The following LRRTM4 variants were observed in gnomAD, a reference collection of about 807,000 sequenced individuals.
LRRTM4 encodes leucine rich repeat transmembrane neuronal 4.
A neutral mutation model predicts 47.6 loss-of-function variants in LRRTM4; 25 were observed. That is an observed-to-expected ratio of 0.53 (90% CI 0.38 to 0.73). The LOEUF is 0.73. Ranked by LOEUF, LRRTM4 falls within the 30% of genes least tolerant of loss-of-function variation. The pLI is 0.00. For synonymous variants in LRRTM4, 311 were observed against 269.5 expected (o/e 1.15, Z -1.51); for missense variants, 638 against 713.4 (o/e 0.89, Z 1.20).
At chr2:77,036,009 A>C (rs528510454) in intron 3 of LRRTM4, among the ~76,000 whole-genome samples, 4 of 145,874 alleles carry the variant, frequency 2.7e-5, no homozygotes, top group South Asian at 2.1e-4. Context: ...TTGGATCTTT[A>C]ATTAATTAAG....
At chr2:77,225,423 A>AG (rs1674777834) in intron 3 of LRRTM4, among the ~76,000 whole-genome samples, 1 of 137,898 alleles carries the variant, frequency 7.3e-6, no homozygotes. Flanking sequence ...CAAAATTGTG[A>AG]GAAAAAAAAA....
intron 3 of LRRTM4, among the ~76,000 whole-genome samples, chr2:77,407,448 G>A (rs916796907): frequency 4.0e-5 from 6 of 150,900 alleles, no homozygotes; most frequent in African/African-American, 1.5e-4. Context: ...CTAGTTTTGA[G>A]CGCAGGTTTT....
In LRRTM4 at chr2:76,904,435, T is replaced by C. The variant is rs185837956; in HGVS notation, c.1552-155519A>G. ...CTTAGGCATGTCCTATATACTGACTTTACGCTTTACAATTCCATATATTAT... is the reference window on the plus strand; with the variant it reads ...CTTAGGCATGTCCTATATACTGACTCTACGCTTTACAATTCCATATATTAT... On this transcript the variant is annotated intron_variant, in intron 3 of 3. Transcript: ENST00000409884. 1.3e-3 allele frequency among the ~76,000 whole-genome samples: 192 copies of C among 152,326 alleles called. 1 individual carries two copies. The highest frequency in any genetic ancestry group is 4.4e-3 in the African/African-American group (181 of 41,576).
At chr2:76,763,354 G>A (rs9917134) in intron 3 of LRRTM4, among the ~76,000 whole-genome samples, 2,017 of 152,276 alleles carry the variant, frequency 0.013, 40 homozygotes, top group African/African-American at 0.045. Context: ...AGGTCACAAG[G>A]TGGGTTCCTG....
chr2:77,114,665 TAAAAAG>T (rs1170921364), intron 3 of LRRTM4, among the ~76,000 whole-genome samples: 2 of 152,088 alleles, frequency 1.3e-5, no homozygotes, highest in East Asian at 1.9e-4. Flanking sequence ...GTCTGAGAAA[TAAAAAG>T]AAAGAGTACA....
intron 3 of LRRTM4, among the ~76,000 whole-genome samples, chr2:77,389,262 A>T (rs939123185): frequency 6.6e-6 from 1 of 152,096 alleles, no homozygotes; most frequent in South Asian, 2.1e-4. Context: ...ATAGATAATT[A>T]AAAGGGCTGA....
At chr2:77,431,462 C>T (rs1675373652) in intron 3 of LRRTM4, among the ~76,000 whole-genome samples, 1 of 148,604 alleles carries the variant, frequency 6.7e-6, no homozygotes, top group Non-Finnish European at 1.5e-5. Context: ...TTTGGGAGAA[C>T]ACAAACATTC....
intron 3 of LRRTM4, among the ~76,000 whole-genome samples, chr2:77,375,833 A>G (rs893772713): frequency 2.6e-5 from 4 of 151,672 alleles, no homozygotes; most frequent in African/African-American, 7.3e-5. Context: ...CTACTTAACC[A>G]TCTACTGACA....
chr2:76,847,846 A>T (rs1457283400), intron 3 of LRRTM4, among the ~76,000 whole-genome samples: 1 of 152,164 alleles, frequency 6.6e-6, no homozygotes, highest in Admixed American at 6.6e-5. Flanking sequence ...ATTAATTTAC[A>T]TAAGAAAGTG....
chr2:77,163,154 C>A (rs1019279225), intron 3 of LRRTM4, among the ~76,000 whole-genome samples: 38 of 152,112 alleles, frequency 2.5e-4, no homozygotes, highest in African/African-American at 8.5e-4. Flanking sequence ...GAGCTGAAAA[C>A]CATGGCACGA....
intron 3 of LRRTM4, among the ~76,000 whole-genome samples, chr2:76,752,964 T>C (rs1573051386): frequency 2.0e-5 from 3 of 152,168 alleles, no homozygotes; most frequent in South Asian, 4.1e-4. Flanking sequence ...ATTGACTGCA[T>C]TGGAAGCTGC....
intron 3 of LRRTM4, among the ~76,000 whole-genome samples, chr2:77,496,389 T>G (rs1471410267): frequency 6.6e-6 from 1 of 151,864 alleles, no homozygotes; most frequent in African/African-American, 2.4e-5. Context: ...GAATAGATAC[T>G]TTTGTCTTGC....
intron 3 of LRRTM4, among the ~76,000 whole-genome samples, chr2:77,418,533 A>T (rs1393254014): frequency 6.6e-6 from 1 of 152,176 alleles, no homozygotes; most frequent in Non-Finnish European, 1.5e-5. Flanking sequence ...GTGCTCAAAA[A>T]TTTCCAGTGA....
intron 3 of LRRTM4, among the ~76,000 whole-genome samples, chr2:77,282,112 C>A (rs1342624401): frequency 1.3e-5 from 2 of 151,838 alleles, no homozygotes; most frequent in African/African-American, 4.8e-5. Flanking sequence ...TATGTTATTT[C>A]TTTTAAGAGT....
At chr2:77,361,430 T>G (rs961603124) in intron 3 of LRRTM4, among the ~76,000 whole-genome samples, 1 of 152,166 alleles carries the variant, frequency 6.6e-6, no homozygotes, top group African/African-American at 2.4e-5. Flanking sequence ...ATTTTGATCG[T>G]CTTCATTCGC....
chr2:77,094,962 G>A (rs1670766992), intron 3 of LRRTM4, among the ~76,000 whole-genome samples: 1 of 152,088 alleles, frequency 6.6e-6, no homozygotes, highest in African/African-American at 2.4e-5. Flanking sequence ...CTTCTGTAAA[G>A]CAAAACAATT....
At chr2:77,365,801 T>A (rs2103756322) in intron 3 of LRRTM4, among the ~76,000 whole-genome samples, 1 of 151,064 alleles carries the variant, frequency 6.6e-6, no homozygotes, top group African/African-American at 2.4e-5. Context: ...TAAAGTAGCG[T>A]AAACCTATTT....
chr2:77,260,427 GGCT>G (rs1675889558), intron 3 of LRRTM4, among the ~76,000 whole-genome samples: 1 of 150,302 alleles, frequency 6.7e-6, no homozygotes, highest in Non-Finnish European at 1.5e-5. Flanking sequence ...ATAGTTGATT[GGCT>G]GCTATCAACG....
intron 3 of LRRTM4, among the ~76,000 whole-genome samples, chr2:77,203,341 A>T (rs1674030772): frequency 6.6e-6 from 1 of 152,072 alleles, no homozygotes; most frequent in African/African-American, 2.4e-5. Flanking sequence ...CTGGAGATGG[A>T]CAGGGGATGG....
Sources: allele counts gnomAD v4.1 joint callset (sites outside exome capture counted in the v4.1 genomes callset), GRCh38; gene constraint gnomAD v4.1.1; transcripts MANE v1.5; gene names NCBI Gene and HGNC (gene_info 2026-07-23, HGNC 2026-07-21).